The following TFF1 variants were observed in gnomAD, a reference collection of about 807,000 sequenced individuals.
TFF1 encodes the protein trefoil factor 1, also known as breast cancer estrogen-inducible protein.
Under a neutral mutation model 7.7 loss-of-function variants are expected in TFF1, and 8 were observed. The observed-to-expected ratio is 1.04, with a 90% CI of 0.61 to 1.87. The LOEUF is 1.87. TFF1 is among the 40% of genes most tolerant of loss of function. The pLI is 0.00. For synonymous variants in TFF1, 47 were observed against 44.8 expected, an observed-to-expected ratio of 1.05 and a Z score of -0.19; for missense variants, 120 against 113.4, an observed-to-expected ratio of 1.06 and a Z score of -0.26.
intron 1 of TFF1, among the ~76,000 whole-genome samples, chr21:42,364,247 G>A (rs2052261784): frequency 6.6e-6 from 1 of 152,208 alleles, no homozygotes; most frequent in Admixed American, 6.5e-5. Flanking sequence ...ATGACAAGCA[G>A]GTTGAACAAA....
intron 1 of TFF1, among the ~76,000 whole-genome samples, chr21:42,365,874 G>A (rs916944177): frequency 3.3e-5 from 5 of 152,192 alleles, no homozygotes; most frequent in Admixed American, 1.3e-4. Context: ...ACTCATGAGA[G>A]AGGTGGCTTT....
chr21:42,366,331 A>G, intron 1 of TFF1, 80 bp downstream of exon 1: 2 of 1,098,208 alleles, frequency 1.8e-6, no homozygotes, highest in Non-Finnish European at 2.6e-6. Flanking sequence ...GCTCAAAAAT[A>G]TGTATGTAAA....
intron 1 of TFF1, among the ~76,000 whole-genome samples, chr21:42,365,650 C>T (rs1601505451): frequency 6.6e-6 from 1 of 152,222 alleles, no homozygotes; most frequent in Middle Eastern, 3.2e-3. Flanking sequence ...AGTTATTCAG[C>T]TCCCCACAGC....
chr21:42,365,111 C>T (rs2052269373), intron 1 of TFF1, among the ~76,000 whole-genome samples: 1 of 152,176 alleles, frequency 6.6e-6, no homozygotes, highest in South Asian at 2.1e-4. Flanking sequence ...CACACGAATG[C>T]ACTAAACTGT....
chr21:42,365,092 T>C (rs1568868869), intron 1 of TFF1, among the ~76,000 whole-genome samples: 1 of 152,078 alleles, frequency 6.6e-6, no homozygotes, highest in Non-Finnish European at 1.5e-5. Context: ...TAAATGGAAA[T>C]GGTTTCCACA....
At chr21:42,366,110 A>G (rs1222941731) in intron 1 of TFF1, among the ~76,000 whole-genome samples, 1 of 152,164 alleles carries the variant, frequency 6.6e-6, no homozygotes, top group African/African-American at 2.4e-5. Flanking sequence ...CCACGCCAAC[A>G]CTTCCTCTTT....
chr21:42,365,515 G>C (rs1423118656), intron 1 of TFF1, among the ~76,000 whole-genome samples: 2 of 152,172 alleles, frequency 1.3e-5, no homozygotes, highest in Admixed American at 1.3e-4. Context: ...CTGGAGGGCA[G>C]TGGGGGCACG....
intron 2 of TFF1, 108 bp downstream of exon 2, chr21:42,363,147 C>A: frequency 6.9e-7 from 1 of 1,459,614 alleles, no homozygotes; most frequent in South Asian, 1.2e-5. Context: ...GCGGCCGTGA[C>A]TCTGTGTAAA....
chr21:42,363,138 C>A (rs562821428), intron 2 of TFF1, 117 bp downstream of exon 2: 2 of 1,356,480 alleles, frequency 1.5e-6, no homozygotes, highest in African/African-American at 1.5e-5. Flanking sequence ...CCACCACTGG[C>A]GGCCGTGACT....
intron 1 of TFF1, among the ~76,000 whole-genome samples, chr21:42,366,069 C>T (rs1385437690): frequency 2.0e-5 from 3 of 152,172 alleles, no homozygotes; most frequent in African/African-American, 4.8e-5. Flanking sequence ...GAGATGTTGG[C>T]ATGAACAGTC....
chr21:42,366,103 C>T (rs1428039874), intron 1 of TFF1, among the ~76,000 whole-genome samples: 2 of 152,140 alleles, frequency 1.3e-5, no homozygotes, highest in Non-Finnish European at 2.9e-5. Context: ...TGAGACCCCA[C>T]GCCAACACTT....
chr21:42,366,022 C>T (rs1601505617), intron 1 of TFF1, among the ~76,000 whole-genome samples: 1 of 152,136 alleles, frequency 6.6e-6, no homozygotes, highest in East Asian at 1.9e-4. Flanking sequence ...GCATTTGGGC[C>T]TATCTGGATG....
Position 42,366,451 on chromosome 21 carries a change from C to T in TFF1, c.45G>A (p.Val15=). ...CCAGGGTGCCGAGGGCCAGCATGGACACCAGGACCAGGGCGCAGATCACCT... is the reference window on the plus strand; with the variant it reads ...CCAGGGTGCCGAGGGCCAGCATGGATACCAGGACCAGGGCGCAGATCACCT... ...ENKVICALVL[V]SMLALGTLAE... Residue 15 remains valine (V), a synonymous_variant, in exon 1 of 3, where the codon GTG becomes GTA. Transcript: ENST00000291527. 6.2e-7 allele frequency: 1 copy of T among 1,612,926 alleles called. No individual in the cohort carries two copies. Among genetic ancestry groups the T allele is most frequent in the African/African-American group, 1.3e-5 (1 of 75,032 alleles).
Sources: gnomAD v4.1 joint callset for allele counts (sites outside exome capture counted in the v4.1 genomes callset) on GRCh38, gnomAD v4.1.1 for gene constraint, MANE v1.5 for transcripts, NCBI Gene and HGNC (gene_info 2026-07-23, HGNC 2026-07-21) for gene names.